CLASP1: variants seen among roughly 807,000 people sequenced by gnomAD.
CLASP1 encodes cytoplasmic linker associated protein 1.
Under a neutral mutation model 192.3 loss-of-function variants are expected in CLASP1, and 38 were observed. The observed-to-expected ratio is 0.20, with a 90% CI of 0.15 to 0.26. The LOEUF (loss-of-function observed/expected upper bound fraction) is 0.26. CLASP1 is among the 10% of genes least tolerant of loss of function. The pLI is 1.00. For synonymous variants in CLASP1, 691 were observed against 712.8 expected (o/e 0.97, Z 0.49); for missense variants, 1,433 against 1,932.5 (o/e 0.74, Z 4.85).
At chr2:121,482,435 A>G (rs531459351) in intron 8 of CLASP1, among the ~76,000 whole-genome samples, 11 of 152,182 alleles carry the variant, frequency 7.2e-5, no homozygotes, top group Non-Finnish European at 1.3e-4. Flanking sequence ...TGTTAATACT[A>G]TGCCTTCCTC....
At chr2:121,611,993 TGGAGGA>T in intron 1 of CLASP1, among the ~76,000 whole-genome samples, 1 of 130,638 alleles carries the variant, frequency 7.7e-6, no homozygotes, top group East Asian at 2.3e-4. Context: ...AAAGTGGAAC[TGGAGGA>T]GGAGGAGAAG....
intron 19 of CLASP1, among the ~76,000 whole-genome samples, chr2:121,441,246 G>A (rs909243980): frequency 2.0e-5 from 3 of 152,112 alleles, no homozygotes; most frequent in Admixed American, 1.3e-4. Context: ...AAATTAAAAG[G>A]TCTTCAAAGT....
chr2:121,530,180 C>T (rs2094729173), intron 3 of CLASP1, 67 bp downstream of exon 3: 8 of 1,373,804 alleles, frequency 5.8e-6, no homozygotes, highest in African/African-American at 3.0e-5. Context: ...GTTTGGGAGC[C>T]GGGGAGGCCG....
rs1559366693 is a variant in CLASP1 at position 121,478,758 on chromosome 2, CA to C, written c.713-8799del. Among the ~76,000 whole-genome samples the C allele has an allele frequency of 1.1e-3, 91 of 80,842 alleles. 3 individuals are homozygous for C. The highest frequency in any genetic ancestry group is 4.7e-3 in the African/African-American group (83 of 17,602). 53.0% of individuals were successfully genotyped at this position (80,842 alleles called of 152,430 possible). On this transcript the variant is annotated intron_variant, in intron 8 of 39. Coordinates refer to ENST00000263710, the Ensembl canonical transcript of CLASP1. ...ACACACACCCCACACACACCACACA[CA>C]CACCACACACCCCACACACACACCC... is the stretch of plus-strand genomic sequence containing the variant.
At position 121,648,040 on chromosome 2, in the gene CLASP1, T is replaced by C. The variant is rs575283033; in HGVS notation, c.-286+1332A>G. On this transcript the variant is annotated intron_variant, in intron 1 of 39. Transcript: ENST00000263710. ...ATCAAAATTTAAATTTCTTAACAAA[T>C]GTAAAAAATAAATAATATTCAATAC... 9.8e-5 allele frequency among the ~76,000 whole-genome samples: 15 copies of C among 152,326 alleles called. No homozygotes were observed. The South Asian group carries it at 3.1e-3, about 32-fold the overall frequency.
intron 2 of CLASP1, among the ~76,000 whole-genome samples, chr2:121,587,091 A>G (rs1211162358): frequency 6.6e-6 from 1 of 152,082 alleles, no homozygotes; most frequent in Non-Finnish European, 1.5e-5. Context: ...AAATATAAAA[A>G]TTAGCCGGGC....
chr2:121,500,338 G>GAA (rs2093694151), intron 8 of CLASP1, among the ~76,000 whole-genome samples: 2 of 115,774 alleles, frequency 1.7e-5, no homozygotes, highest in South Asian at 2.9e-4. Context: ...AAGAAGGAAA[G>GAA]AAAGAAAAAG....
intron 32 of CLASP1, among the ~76,000 whole-genome samples, chr2:121,382,776 C>T (rs1295222902): frequency 6.6e-6 from 1 of 152,204 alleles, no homozygotes; most frequent in African/African-American, 2.4e-5. Context: ...ACCAGAGGGA[C>T]TCCAGCAGGA....
chr2:121,477,309 C>CT (rs947124573), intron 8 of CLASP1, among the ~76,000 whole-genome samples: 1 of 152,224 alleles, frequency 6.6e-6, no homozygotes, highest in South Asian at 2.1e-4. Context: ...GCTTTTATTA[C>CT]TTTTTTAACG....
chr2:121,394,883 C>G (rs1448988312), intron 30 of CLASP1, among the ~76,000 whole-genome samples: 1 of 152,164 alleles, frequency 6.6e-6, no homozygotes, highest in South Asian at 2.1e-4. Flanking sequence ...CCGTCTCAAA[C>G]AAACAAACCA....
At chr2:121,632,155 G>C (rs1279849912) in intron 1 of CLASP1, among the ~76,000 whole-genome samples, 4 of 152,170 alleles carry the variant, frequency 2.6e-5, no homozygotes, top group African/African-American at 9.7e-5. Flanking sequence ...GAGATGGGAG[G>C]ATGGTTGGAG....
At chr2:121,467,512 G>A (rs753113988) in intron 9 of CLASP1, among the ~76,000 whole-genome samples, 4 of 152,156 alleles carry the variant, frequency 2.6e-5, no homozygotes, top group Non-Finnish European at 5.9e-5. Context: ...TCTGACTGGT[G>A]TGAGATGGTA....
At chr2:121,367,601 C>T (rs1264369787) in exon 35 of CLASP1, 1 of 1,614,070 alleles carries the variant, frequency 6.2e-7, no homozygotes, top group Admixed American at 1.7e-5. Context: ...CTCGAAGCTG[C>T]TCCATGTCGT....
intron 9 of CLASP1, among the ~76,000 whole-genome samples, chr2:121,469,315 CA>C (rs886325485): frequency 1.3e-5 from 2 of 152,182 alleles, no homozygotes; most frequent in Non-Finnish European, 2.9e-5. Context: ...TGGTCACCAC[CA>C]CCCACAGCAC....
chr2:121,625,833 T>G (rs2068238632), intron 1 of CLASP1, among the ~76,000 whole-genome samples: 1 of 151,918 alleles, frequency 6.6e-6, no homozygotes, highest in Non-Finnish European at 1.5e-5. Context: ...GGCTCACATC[T>G]GTAATCCCAG....
chr2:121,449,156 G>C, intron 16 of CLASP1, 36 bp from the exon 17 acceptor site: 2 of 1,598,068 alleles, frequency 1.3e-6, no homozygotes, highest in Non-Finnish European at 1.7e-6. Flanking sequence ...TCTAATTCAA[G>C]GATCCAAACA....
chr2:121,447,580 T>A (rs887597925), intron 18 of CLASP1, 73 bp from the exon 19 acceptor site: 5 of 1,262,414 alleles, frequency 4.0e-6, no homozygotes, highest in East Asian at 5.1e-5. Flanking sequence ...AAATCTGATG[T>A]TGTTTTGCTT....
rs1301702688 is a variant in CLASP1, at chr2:121,387,249, C to T, written c.3268-21G>A. ...GAGCCCTGGGGTGAAGCAGAATAGG[C>T]ATCGTTATTCAAGGGCTGTATATAG... On this transcript the variant is annotated intron_variant, in intron 31 of 39. Coordinates refer to ENST00000263710, the Ensembl canonical transcript of CLASP1. 2.7e-6 allele frequency: 4 copies of T among 1,498,938 alleles called. No individual in the cohort carries two copies. The Admixed American group carries it at 8.7e-5, about 33-fold the overall frequency. The allele number at this position is 1,498,938 out of a possible 1,614,324, so 92.9% of individuals were successfully genotyped here. A position where few individuals can be genotyped will look rare whatever the true frequency, so the allele number is the denominator to read the frequency against.
At chr2:121,632,367 C>A (rs2069853525) in intron 1 of CLASP1, among the ~76,000 whole-genome samples, 1 of 152,106 alleles carries the variant, frequency 6.6e-6, no homozygotes, top group African/African-American at 2.4e-5. Flanking sequence ...ATGTCAACTT[C>A]TGGGAATTTA....
Sources: gnomAD v4.1 joint callset for allele counts (sites outside exome capture counted in the v4.1 genomes callset) on GRCh38, gnomAD v4.1.1 for gene constraint, MANE v1.5 for transcripts, NCBI Gene and HGNC (gene_info 2026-07-23, HGNC 2026-07-21) for gene names.